CSMD1: variants seen among roughly 807,000 people sequenced by gnomAD.
The protein encoded by CSMD1 is CUB and sushi domain-containing protein 1.
Under a neutral mutation model 417.5 loss-of-function variants are expected in CSMD1, and 213 were observed. The observed-to-expected ratio is 0.51, with a 90% CI of 0.46 to 0.57. The LOEUF is 0.57. CSMD1 is among the 20% of genes least tolerant of loss of function. The pLI is 0.00. For missense variants in CSMD1, 6,923 were observed against 4,529.7 expected (o/e 1.53, Z -15.17); for synonymous variants, 2,862 against 1,736.8 (o/e 1.65, Z -16.11).
At position 3,957,263 on chromosome 8, in the gene CSMD1, C is replaced by A. The variant is rs1018172474; in HGVS notation, c.818+40640G>T. Among the ~76,000 whole-genome samples the A allele has an allele frequency of 3.3e-5, 5 of 152,206 alleles. No homozygotes were observed. In the East Asian group the frequency reaches 7.7e-4, roughly 23 times the overall value. ...AGTCTTTGTGTGTAGGTTTCACTAT[C>A]GCAGTGGGGATACATGTACTTTTGT... On this transcript the variant is annotated intron_variant, in intron 5 of 69. Coordinates refer to ENST00000635120, the MANE Select transcript of CSMD1 (RefSeq NM_033225.6).
chr8:4,465,882 G>C (rs1162056802), intron 2 of CSMD1, among the ~76,000 whole-genome samples: 1 of 152,154 alleles, frequency 6.6e-6, no homozygotes, highest in Non-Finnish European at 1.5e-5. Flanking sequence ...TCTGGAAGTG[G>C]CTGACTCACT....
intron 3 of CSMD1, among the ~76,000 whole-genome samples, chr8:4,098,363 AT>A (rs200302891): frequency 2.6e-5 from 4 of 151,684 alleles, no homozygotes; most frequent in South Asian, 4.2e-4. Flanking sequence ...GATCTTCACT[AT>A]TTTTTTTCTA....
chr8:2,963,505 G>C, intron 59 of CSMD1, 110 bp from the exon 60 acceptor site: 2 of 1,050,374 alleles, frequency 1.9e-6, no homozygotes, highest in East Asian at 2.4e-5. Flanking sequence ...CATCTACATA[G>C]GTTTTTAAAA....
chr8:4,312,589 G>C (rs1798691351), intron 3 of CSMD1, among the ~76,000 whole-genome samples: 2 of 150,646 alleles, frequency 1.3e-5, no homozygotes, highest in African/African-American at 5.0e-5. Context: ...ATGTATTAAA[G>C]TTGTTGGCCA....
At chr8:3,946,331 C>G (rs1811221060) in intron 5 of CSMD1, among the ~76,000 whole-genome samples, 1 of 152,118 alleles carries the variant, frequency 6.6e-6, no homozygotes, top group Non-Finnish European at 1.5e-5. Context: ...AATTACCTCA[C>G]ATTTTCGTCA....
At chr8:4,231,508 A>G (rs372397985) in intron 3 of CSMD1, among the ~76,000 whole-genome samples, 26 of 101,356 alleles carry the variant, frequency 2.6e-4, no homozygotes, top group African/African-American at 1.2e-4. Flanking sequence ...ATTAGGAGAC[A>G]TAAGAAAGGT....
At chr8:3,912,143 C>A (rs747626011) in intron 5 of CSMD1, among the ~76,000 whole-genome samples, 2 of 152,086 alleles carry the variant, frequency 1.3e-5, no homozygotes, top group African/African-American at 4.8e-5. Context: ...TTTTATTTAA[C>A]CTGATTAATG....
In CSMD1 at chr8:3,110,187, C is replaced by T. The variant is rs1055657160; in HGVS notation, c.6579G>A (p.Thr2193=). ...GVYINFTLLQ[T]EAVNDYIAVW... ...CAGCAATGTAATCGTTGACAGCTTC[C>T]GTCTGTAACAGGGTGAAGTTGATGT... The change falls in exon 43 of 70, where the codon ACG becomes ACA. Residue 2193 remains threonine (T), a synonymous_variant. Coordinates refer to ENST00000635120, the MANE Select transcript of CSMD1 (RefSeq NM_033225.6). 8 of 1,610,280 alleles carry T rather than the reference C, an allele frequency of 5.0e-6. No homozygotes were observed. Among genetic ancestry groups the T allele is most frequent in the African/African-American group, 2.7e-5 (2 of 74,730 alleles).
chr8:3,743,013 A>C (rs1584932963), intron 6 of CSMD1, among the ~76,000 whole-genome samples: 1 of 152,224 alleles, frequency 6.6e-6, no homozygotes, highest in Non-Finnish European at 1.5e-5. Context: ...CACCCTTGGA[A>C]CATACGCCTA....
intron 1 of CSMD1, among the ~76,000 whole-genome samples, chr8:4,978,139 G>C (rs1334545306): frequency 6.6e-6 from 1 of 152,146 alleles, no homozygotes; most frequent in Non-Finnish European, 1.5e-5. Context: ...CAGTCACGTG[G>C]CCCTGGAAGA....
intron 2 of CSMD1, among the ~76,000 whole-genome samples, chr8:4,517,415 C>T (rs535422666): frequency 1.1e-4 from 16 of 152,240 alleles, no homozygotes; most frequent in African/African-American, 3.4e-4. Flanking sequence ...GCCTATAACA[C>T]GCAGATAATA....
chr8:4,052,440 G>C (rs556590835), intron 3 of CSMD1, among the ~76,000 whole-genome samples: 1 of 152,174 alleles, frequency 6.6e-6, no homozygotes, highest in South Asian at 2.1e-4. Flanking sequence ...ATCTTGTAGT[G>C]AGGGGTGATT....
chr8:3,980,838 T>A (rs1325238097), intron 5 of CSMD1, among the ~76,000 whole-genome samples: 2 of 152,208 alleles, frequency 1.3e-5, no homozygotes. Flanking sequence ...TCCCAGCAGT[T>A]GGCTACTTTG....
At position 4,026,012 on chromosome 8, in the gene CSMD1, A is replaced by T. The variant is rs563576116; in HGVS notation, c.610+5893T>A. On this transcript the variant is annotated intron_variant, in intron 4 of 69. Coordinates refer to ENST00000635120, the MANE Select transcript of CSMD1 (RefSeq NM_033225.6). ...GTCATGCTACTGTTAGGAACTCTAT[A>T]AAAAAAAAAAAAACTCTTCAACCAG... Among the ~76,000 whole-genome samples, 13 of 37,266 alleles carry T rather than the reference A, an allele frequency of 3.5e-4. 1 individual carries two copies. The highest frequency in any genetic ancestry group is 1.2e-4 in the Non-Finnish European group (2 of 16,100). 24.4% of individuals were successfully genotyped at this position (37,266 alleles called of 152,430 possible). A position where few individuals can be genotyped will look rare whatever the true frequency, so the allele number is the denominator to read the frequency against.
At chr8:4,356,175 A>C (rs1040479312) in intron 3 of CSMD1, among the ~76,000 whole-genome samples, 12 of 152,186 alleles carry the variant, frequency 7.9e-5, no homozygotes, top group African/African-American at 2.9e-4. Flanking sequence ...CTTATAGCTT[A>C]ACTGCCACAA....
intron 12 of CSMD1, among the ~76,000 whole-genome samples, chr8:3,454,951 A>G (rs1195214516): frequency 2.0e-5 from 3 of 152,176 alleles, no homozygotes; most frequent in Non-Finnish European, 4.4e-5. Context: ...AGGTACACCA[A>G]TCAGATGTAG....
rs552468142 is a variant in CSMD1 at position 4,788,471 on chromosome 8, G to A, written c.86-150913C>T. 22 of 1,313,620 alleles carry A rather than the reference G, an allele frequency of 1.7e-5. No homozygotes were observed. In the South Asian group the frequency reaches 2.4e-4, roughly 14 times the overall value. 81.4% of individuals were successfully genotyped at this position (1,313,620 alleles called of 1,614,324 possible). ...TCCAGAAGGATCAGCTCAATTTACT[G>A]CTCAGATATTTGGGGTAGACAACCA... On this transcript the variant is annotated intron_variant, in intron 1 of 69. Transcript: ENST00000635120.
intron 10 of CSMD1, among the ~76,000 whole-genome samples, chr8:3,503,216 AG>A (rs1331755168): frequency 6.6e-6 from 1 of 152,240 alleles, no homozygotes. Context: ...AAAGGGAGTT[AG>A]AAAAATATGT....
At chr8:3,552,881 G>C (rs768678488) in intron 10 of CSMD1, among the ~76,000 whole-genome samples, 5 of 151,954 alleles carry the variant, frequency 3.3e-5, no homozygotes, top group African/African-American at 4.8e-5. Context: ...TAATACAAAA[G>C]TAAATTCTTC....
Sources: allele counts gnomAD v4.1 joint callset (sites outside exome capture counted in the v4.1 genomes callset), GRCh38; gene constraint gnomAD v4.1.1; transcripts MANE v1.5; gene names NCBI Gene and HGNC (gene_info 2026-07-23, HGNC 2026-07-21).